PDE3B: variants seen among roughly 807,000 people sequenced by gnomAD.
PDE3B encodes the protein cGMP-inhibited 3',5'-cyclic phosphodiesterase 3B.
In PDE3B, 66 loss-of-function variants were observed where a neutral mutation model predicts 116.8. That is an observed-to-expected ratio of 0.56 (90% CI 0.46 to 0.69). PDE3B has a LOEUF of 0.69. Ranked by LOEUF, PDE3B falls within the 30% of genes least tolerant of loss-of-function variation. The probability of loss-of-function intolerance (pLI) is 0.00; values close to 1 mark genes in which losing one functional copy is unlikely to be tolerated. For missense variants in PDE3B, 1,384 were observed against 1,368.1 expected (o/e 1.01, Z -0.18); for synonymous variants, 595 against 533.6 (o/e 1.12, Z -1.59).
At chr11:14,893,563 G>A in the PDE3B span, among the ~76,000 whole-genome samples, 2 of 152,194 alleles carry the variant, frequency 1.3e-5, no homozygotes, top group South Asian at 4.1e-4. Flanking sequence ...GACTGTAGGA[G>A]AGATTCTATT....
At chr11:14,863,633 G>A (rs1187151504) in intron 14 of PDE3B, among the ~76,000 whole-genome samples, 2 of 152,174 alleles carry the variant, frequency 1.3e-5, no homozygotes, top group Non-Finnish European at 2.9e-5. Flanking sequence ...AGCCAGAAGA[G>A]AGTGGGGGCC....
At chr11:14,889,910 C>T in the PDE3B span, among the ~76,000 whole-genome samples, 1 of 152,068 alleles carries the variant, frequency 6.6e-6, no homozygotes, top group Admixed American at 6.5e-5. Flanking sequence ...GGGCAGATCA[C>T]GAGGTCAGGA....
intron 4 of PDE3B, 79 bp downstream of exon 4, chr11:14,789,321 C>A: frequency 1.8e-6 from 2 of 1,113,042 alleles, no homozygotes; most frequent in Non-Finnish European, 2.6e-6. Context: ...TCAAATAGTT[C>A]TGGAAGCAGA....
the PDE3B span, among the ~76,000 whole-genome samples, chr11:14,889,895 G>T: frequency 1.3e-5 from 2 of 152,102 alleles, no homozygotes; most frequent in African/African-American, 4.8e-5. Context: ...TTGGGAGGCC[G>T]AGGCGGGCAG....
At chr11:14,756,896 C>G (rs1176823930) in intron 1 of PDE3B, among the ~76,000 whole-genome samples, 2 of 150,584 alleles carry the variant, frequency 1.3e-5, no homozygotes, top group African/African-American at 4.9e-5. Flanking sequence ...TGGTGTGCTG[C>G]ACCCACTAAC....
At chr11:14,831,616 G>A (rs1859883459) in intron 8 of PDE3B, 24 bp from the exon 9 acceptor site, 2 of 1,438,080 alleles carry the variant, frequency 1.4e-6, no homozygotes, top group Non-Finnish European at 1.9e-6. Flanking sequence ...ATAAAATAAA[G>A]TTGTTGTTTC....
chr11:14,735,503 C>T (rs1222143528), intron 1 of PDE3B, among the ~76,000 whole-genome samples: 1 of 152,098 alleles, frequency 6.6e-6, no homozygotes, highest in Admixed American at 6.5e-5. Context: ...AGGGGATATT[C>T]TCCAGAACGA....
intron 1 of PDE3B, among the ~76,000 whole-genome samples, chr11:14,700,270 G>A (rs1855324971): frequency 1.3e-5 from 2 of 151,594 alleles, no homozygotes; most frequent in Non-Finnish European, 3.0e-5. Context: ...TAATAGATTT[G>A]GTAGTTAATT....
chr11:14,849,330 A>G (rs1329994888), intron 12 of PDE3B, among the ~76,000 whole-genome samples: 1 of 151,816 alleles, frequency 6.6e-6, no homozygotes, highest in East Asian at 1.9e-4. Context: ...TTATACAAAA[A>G]TTAATTCAAG....
At chr11:14,774,110 T>C (rs1007007823) in intron 2 of PDE3B, 1 of 152,234 alleles carries the variant, frequency 6.6e-6, no homozygotes, top group African/African-American at 2.4e-5. Context: ...TTGGATTTCT[T>C]TTAATCTTTT....
Position 14,644,807 on chromosome 11 carries a change from C to G in PDE3B, c.732C>G (p.Leu244=). ...FTSLGSLPSA[L]RPLLSGLVGG... ...GCCTCGGGTCGCTGCCCTCCGCCCTCAGGCCGCTGCTCTCCGGCCTGGTGG... is the reference window on the plus strand; with the variant it reads ...GCCTCGGGTCGCTGCCCTCCGCCCTGAGGCCGCTGCTCTCCGGCCTGGTGG... Residue 244 remains leucine (L), a synonymous_variant, in exon 1 of 16, where the codon CTC becomes CTG. Coordinates refer to ENST00000282096, the MANE Select transcript of PDE3B (RefSeq NM_000922.4). The G allele has an allele frequency of 6.2e-7, 1 of 1,611,488 alleles. No individual in the cohort carries two copies. The highest frequency in any genetic ancestry group is 8.5e-7 in the Non-Finnish European group (1 of 1,178,680).
intron 5 of PDE3B, among the ~76,000 whole-genome samples, chr11:14,811,996 C>A (rs930729379): frequency 6.6e-6 from 1 of 151,990 alleles, no homozygotes. Context: ...GATTTTGTAT[C>A]CTGAGACTTT....
chr11:14,770,988 G>A (rs1213198446), intron 1 of PDE3B, among the ~76,000 whole-genome samples: 1 of 151,442 alleles, frequency 6.6e-6, no homozygotes. Flanking sequence ...AAAAAGCAAA[G>A]AATATGCCAT....
At position 14,818,249 on chromosome 11, in the gene PDE3B, C is replaced by G. The variant is rs1303047291; in HGVS notation, c.1589C>G (p.Thr530Ser). The change falls in exon 6 of 16, where the codon ACT becomes AGT. Residue 530 changes from threonine to serine, a missense_variant. Coordinates refer to ENST00000282096, the MANE Select transcript of PDE3B (RefSeq NM_000922.4). ...NHGPVSTGSL[T>S]NRSPIEFPDT... ...GGACCAGTGTCTACTGGCTCTCTAA[C>G]TAATCGATCACCCATAGAATTTCCT... 21 of 1,613,448 alleles carry G rather than the reference C, an allele frequency of 1.3e-5. No individual in the cohort carries two copies. The highest frequency in any genetic ancestry group is 1.7e-5 in the Non-Finnish European group (20 of 1,179,600).
At position 14,850,352 on chromosome 11, in the gene PDE3B, G is replaced by T. The variant is rs545030942; in HGVS notation, c.2520+6326G>T. On this transcript the variant is annotated intron_variant, in intron 12 of 15. Transcript: ENST00000282096. ...GGGGACTGTTGTAGGGTGGGGGAAG[G>T]GGGGAGGGATAGCTTTAGGAGATAT... is the stretch of plus-strand genomic sequence containing the variant. 2.3e-3 allele frequency among the ~76,000 whole-genome samples: 348 copies of T among 152,150 alleles called. 7 individuals carry two copies. Among genetic ancestry groups the T allele is most frequent in the African/African-American group, 3.9e-3 (160 of 41,490 alleles).
the PDE3B span, among the ~76,000 whole-genome samples, chr11:14,889,853 G>C: frequency 6.6e-6 from 1 of 152,286 alleles, no homozygotes; most frequent in Non-Finnish European, 1.5e-5. Flanking sequence ...CATAGGCCGG[G>C]CGCAGTGGCT....
chr11:14,815,825 A>G (rs1859307542), intron 5 of PDE3B, among the ~76,000 whole-genome samples: 2 of 152,224 alleles, frequency 1.3e-5, no homozygotes, highest in Non-Finnish European at 2.9e-5. Context: ...TACAAATAGC[A>G]TATAAACATG....
chr11:14,884,700 AAATT>A, the PDE3B span, among the ~76,000 whole-genome samples: 1 of 152,024 alleles, frequency 6.6e-6, no homozygotes, highest in Non-Finnish European at 1.5e-5. Flanking sequence ...AAAAAAATAA[AAATT>A]AAAAAAAGAA....
In PDE3B at chr11:14,654,595, TAAAC is replaced by T. The variant is rs1853655515; in HGVS notation, c.978+9548_978+9551del. 2.6e-5 allele frequency among the ~76,000 whole-genome samples: 4 copies of T among 152,110 alleles called. No homozygotes were observed. In the South Asian group the frequency reaches 8.3e-4, roughly 32 times the overall value. On this transcript the variant is annotated intron_variant, in intron 1 of 15. Coordinates refer to ENST00000282096, the MANE Select transcript of PDE3B (RefSeq NM_000922.4). ...TACTAATGATAAATATAGGTAAAAC[TAAAC>T]AAACACTGTTATTATAAGACATTAT...
Sources: allele counts gnomAD v4.1 joint callset (sites outside exome capture counted in the v4.1 genomes callset), GRCh38; gene constraint gnomAD v4.1.1; transcripts MANE v1.5; gene names NCBI Gene and HGNC (gene_info 2026-07-23, HGNC 2026-07-21).